The following MEGF11 variants were observed in gnomAD, a reference collection of about 807,000 sequenced individuals.
The protein encoded by MEGF11 is multiple EGF like domains 11, also known as multiple epidermal growth factor-like domains protein 11.
MEGF11 carries 126 observed loss-of-function variants against 146.6 expected under a neutral mutation model. The observed-to-expected ratio is 0.86, with a 90% CI of 0.74 to 1.00. The LOEUF (loss-of-function observed/expected upper bound fraction) is 1.00, where lower values mean the gene tolerates loss of function less well. Ranked by LOEUF, MEGF11 falls within the 50% of genes least tolerant of loss-of-function variation. The pLI is 0.00. For missense variants in MEGF11, 1,509 were observed against 1,521.2 expected, an observed-to-expected ratio of 0.99 and a Z score of 0.13; for synonymous variants, 532 against 583.4, an observed-to-expected ratio of 0.91 and a Z score of 1.27.
chr15:66,077,509 A>G (rs1023427831), intron 5 of MEGF11, among the ~76,000 whole-genome samples: 3 of 152,342 alleles, frequency 2.0e-5, no homozygotes, highest in Admixed American at 6.5e-5. Flanking sequence ...CCAGAGCCCC[A>G]TAATCTTCCC....
chr15:66,162,267 G>A (rs943502547), intron 1 of MEGF11, among the ~76,000 whole-genome samples: 13 of 152,274 alleles, frequency 8.5e-5, no homozygotes, highest in East Asian at 3.9e-4. Flanking sequence ...AGTGATGGTC[G>A]TGAAACAACG....
At chr15:66,097,612 C>T (rs1304951857) in intron 4 of MEGF11, among the ~76,000 whole-genome samples, 4 of 152,058 alleles carry the variant, frequency 2.6e-5, no homozygotes, top group East Asian at 1.9e-4. Context: ...CAGCACCAGC[C>T]GTGTGATGGG....
At chr15:65,913,645 C>G (rs1392710816) in intron 20 of MEGF11, 92 bp downstream of exon 20, 5 of 1,135,288 alleles carry the variant, frequency 4.4e-6, no homozygotes, top group Non-Finnish European at 5.2e-6. Context: ...CTTCCACATT[C>G]AGCCACAGCA....
chr15:66,166,113 C>T (rs912976124), intron 1 of MEGF11, among the ~76,000 whole-genome samples: 11 of 152,282 alleles, frequency 7.2e-5, no homozygotes, highest in South Asian at 6.2e-4. Context: ...AGATCCATAT[C>T]GCCAGCTGCC....
chr15:66,090,595 A>G (rs1206714184), intron 5 of MEGF11, among the ~76,000 whole-genome samples: 1 of 152,230 alleles, frequency 6.6e-6, no homozygotes, highest in African/African-American at 2.4e-5. Context: ...CATACTCACC[A>G]CATGCTTTCT....
At chr15:66,148,646 C>CT (rs1214175156) in intron 1 of MEGF11, among the ~76,000 whole-genome samples, 1 of 152,204 alleles carries the variant, frequency 6.6e-6, no homozygotes, top group East Asian at 1.9e-4. Context: ...TTGCCCACCT[C>CT]TTGCCTGCCC....
Position 65,898,708 on chromosome 15 carries a change from T to TA in MEGF11, c.3262+19dup. 1.2e-6 allele frequency: 2 copies of TA among 1,612,308 alleles called. No individual in the cohort carries two copies. The highest frequency in any genetic ancestry group is 2.2e-5 in the South Asian group (2 of 90,986). On this transcript the variant is annotated intron_variant, in intron 25 of 25. Transcript: ENST00000395614. ...CACTATTGCCCTGATTTCACTAAGT[T>TA]ACTTATTTGAGACACCTACCAACTT...
Position 65,935,620 on chromosome 15 carries a change from T to G in MEGF11, c.1288-4677A>C, listed in dbSNP as rs563899779. On this transcript the variant is annotated intron_variant, in intron 10 of 25. Coordinates refer to ENST00000395614, the MANE Select transcript of MEGF11 (RefSeq NM_001385028.1). The stretch of plus-strand genomic sequence containing the variant: ...GGGAGAAGAGAAGAAACTCTTTGTG[T>G]TTTTTTTCCAGTCAGCTCCTAATAG... Among the ~76,000 whole-genome samples the G allele has an allele frequency of 3.3e-5, 5 of 152,088 alleles. No homozygotes were observed. The South Asian group carries it at 1.0e-3, about 32-fold the overall frequency.
rs76569565 is a variant in MEGF11, at chr15:66,065,048, G to A, written c.394+29354C>T. 1.5e-3 allele frequency among the ~76,000 whole-genome samples: 231 copies of A among 152,222 alleles called. 1 individual carries two copies. Among genetic ancestry groups the A allele is most frequent in the African/African-American group, 5.3e-3 (222 of 41,528 alleles). Reference sequence around the variant, plus strand: ...TAAGCCCTGATTCACTGGCCCTTGTGTCCATAGAGACCCAGCAGGTTTTAA... The same window carrying A: ...TAAGCCCTGATTCACTGGCCCTTGTATCCATAGAGACCCAGCAGGTTTTAA... On this transcript the variant is annotated intron_variant, in intron 5 of 25. Coordinates refer to ENST00000395614, the MANE Select transcript of MEGF11 (RefSeq NM_001385028.1).
intron 19 of MEGF11, among the ~76,000 whole-genome samples, chr15:65,914,777 C>G (rs993015650): frequency 6.6e-6 from 1 of 152,192 alleles, no homozygotes; most frequent in African/African-American, 2.4e-5. Context: ...GGCTCCTTTT[C>G]TGTAATGTGA....
intron 10 of MEGF11, among the ~76,000 whole-genome samples, chr15:65,931,417 C>G (rs2079571160): frequency 6.6e-6 from 1 of 152,230 alleles, no homozygotes; most frequent in South Asian, 2.1e-4. Flanking sequence ...AATAGACCCT[C>G]TCCTAAAGCT....
intron 4 of MEGF11, among the ~76,000 whole-genome samples, chr15:66,107,126 C>A (rs1165150579): frequency 6.6e-6 from 1 of 152,106 alleles, no homozygotes; most frequent in Non-Finnish European, 1.5e-5. Flanking sequence ...TGCTCCTAGG[C>A]TCTCCACTGG....
intron 5 of MEGF11, among the ~76,000 whole-genome samples, chr15:65,989,174 T>C (rs1311154734): frequency 6.6e-6 from 1 of 151,998 alleles, no homozygotes; most frequent in Non-Finnish European, 1.5e-5. Context: ...CTCAGGGAGA[T>C]GTGCAGGAGG....
chr15:66,224,975 C>A (rs1341470079), intron 1 of MEGF11, among the ~76,000 whole-genome samples: 2 of 152,144 alleles, frequency 1.3e-5, no homozygotes, highest in African/African-American at 4.8e-5. Context: ...ACGCCAGCCC[C>A]TCTCCTCCTG....
intron 4 of MEGF11, among the ~76,000 whole-genome samples, chr15:66,114,414 A>T (rs2087611871): frequency 6.6e-6 from 1 of 152,346 alleles, no homozygotes; most frequent in East Asian, 1.9e-4. Context: ...CACTGTTTCA[A>T]GCCACTGGGA....
chr15:65,974,548 G>A (rs1031305940), intron 7 of MEGF11, among the ~76,000 whole-genome samples: 7 of 152,102 alleles, frequency 4.6e-5, no homozygotes, highest in Non-Finnish European at 1.0e-4. Context: ...CCAGCTACTC[G>A]GGAGGCTGAG....
chr15:65,979,053 C>G (rs1160253885), intron 7 of MEGF11, among the ~76,000 whole-genome samples: 1 of 152,028 alleles, frequency 6.6e-6, no homozygotes. Context: ...GGGGTGGGCA[C>G]CAGAGTCCTA....
intron 13 of MEGF11, among the ~76,000 whole-genome samples, chr15:65,924,745 C>T (rs1002912059): frequency 6.6e-6 from 1 of 151,386 alleles, no homozygotes; most frequent in African/African-American, 2.4e-5. Flanking sequence ...TCTGCTTCAG[C>T]CTTCCGAGTA....
chr15:66,041,791 G>A (rs2140298996), intron 5 of MEGF11, among the ~76,000 whole-genome samples: 1 of 152,222 alleles, frequency 6.6e-6, no homozygotes, highest in East Asian at 1.9e-4. Flanking sequence ...TCTGAGTTTA[G>A]GGCTCATAAT....
Sources: allele counts gnomAD v4.1 joint callset (sites outside exome capture counted in the v4.1 genomes callset), GRCh38; gene constraint gnomAD v4.1.1; transcripts MANE v1.5; gene names NCBI Gene and HGNC (gene_info 2026-07-23, HGNC 2026-07-21).